The following VPS41 variants were observed in gnomAD, a reference collection of about 807,000 sequenced individuals.
VPS41 encodes the protein VPS41 subunit of HOPS complex, also known as vacuolar protein sorting-associated protein 41 homolog.
Under a neutral mutation model 130.9 loss-of-function variants are expected in VPS41, and 85 were observed. That is an observed-to-expected ratio of 0.65 (90% CI 0.55 to 0.78). VPS41 has a LOEUF of 0.78. Ranked by LOEUF, VPS41 falls within the 30% of genes least tolerant of loss-of-function variation. VPS41 has a pLI of 0.00. For missense variants in VPS41, 874 were observed against 1,018.7 expected (o/e 0.86, Z 1.93); for synonymous variants, 335 against 332.9 (o/e 1.01, Z -0.07).
At chr7:38,740,973 C>T (rs1795868383) in intron 25 of VPS41, among the ~76,000 whole-genome samples, 1 of 152,194 alleles carries the variant, frequency 6.6e-6, no homozygotes, top group South Asian at 2.1e-4. Context: ...CTCTCTGGCA[C>T]AACCTCTTGT....
intron 1 of VPS41, 146 bp downstream of exon 1, chr7:38,909,008 T>G: frequency 2.0e-6 from 2 of 1,004,614 alleles, no homozygotes; most frequent in Non-Finnish European, 3.1e-6. Flanking sequence ...GAAACCAACT[T>G]TCGCCATCCC....
At chr7:38,835,488 T>C (rs1181330627) in intron 4 of VPS41, among the ~76,000 whole-genome samples, 2 of 151,972 alleles carry the variant, frequency 1.3e-5, no homozygotes, top group Non-Finnish European at 2.9e-5. Context: ...TTTCCAAGGA[T>C]GGTGATGTTG....
chr7:38,752,972 A>C (rs1182295082), intron 21 of VPS41, among the ~76,000 whole-genome samples: 3 of 152,206 alleles, frequency 2.0e-5, no homozygotes, highest in Non-Finnish European at 4.4e-5. Flanking sequence ...GTTCTGAAAC[A>C]GTTTTCAAAA....
At chr7:38,834,155 C>A (rs767987677) in intron 4 of VPS41, among the ~76,000 whole-genome samples, 1 of 151,186 alleles carries the variant, frequency 6.6e-6, no homozygotes, top group African/African-American at 2.4e-5. Context: ...ATTCCTCAGT[C>A]TCTTAAAGAA....
chr7:38,909,082 C>T, intron 1 of VPS41, 72 bp downstream of exon 1: 3 of 1,589,926 alleles, frequency 1.9e-6, no homozygotes, highest in Non-Finnish European at 2.6e-6. Flanking sequence ...ACCCACTCCA[C>T]TCCACCCTCC....
intron 22 of VPS41, among the ~76,000 whole-genome samples, chr7:38,746,162 G>C (rs1192352156): frequency 1.3e-5 from 2 of 151,900 alleles, no homozygotes; most frequent in Non-Finnish European, 2.9e-5. Flanking sequence ...TCTGCTCAAG[G>C]ATCTGTCAAA....
intron 2 of VPS41, among the ~76,000 whole-genome samples, chr7:38,890,874 C>G (rs4275134): frequency 6.6e-6 from 1 of 151,942 alleles, no homozygotes; most frequent in East Asian, 1.9e-4. Flanking sequence ...TTTGTAGAGA[C>G]GGGGTCTCAC....
intron 5 of VPS41, among the ~76,000 whole-genome samples, chr7:38,826,458 T>C (rs757307766): frequency 6.6e-6 from 1 of 152,152 alleles, no homozygotes; most frequent in Non-Finnish European, 1.5e-5. Flanking sequence ...AGAAAACTGT[T>C]TGGCAACCAC....
intron 3 of VPS41, 83 bp downstream of exon 3, chr7:38,869,062 AC>A (rs781249820): frequency 7.4e-5 from 79 of 1,063,760 alleles, no homozygotes; most frequent in Non-Finnish European, 1.0e-4. Flanking sequence ...AAAAGCCACC[AC>A]CAAAAACATC....
At chr7:38,789,901 T>A (rs774351328) in intron 9 of VPS41, 34 bp from the exon 10 acceptor site, 1 of 1,609,494 alleles carries the variant, frequency 6.2e-7, no homozygotes, top group South Asian at 1.1e-5. Flanking sequence ...TTTTATTCAT[T>A]TGATGGAAAA....
intron 4 of VPS41, among the ~76,000 whole-genome samples, chr7:38,854,151 A>G (rs1785929753): frequency 6.6e-6 from 1 of 152,224 alleles, no homozygotes; most frequent in African/African-American, 2.4e-5. Flanking sequence ...GTTCAAATAT[A>G]GAAAACAAGT....
chr7:38,743,652 G>A, intron 23 of VPS41, 110 bp from the exon 24 acceptor site: 1 of 1,293,828 alleles, frequency 7.7e-7, no homozygotes, highest in East Asian at 2.5e-5. Context: ...GCTAAGACAA[G>A]GCTATTTTCT....
At chr7:38,885,014 G>A (rs1266549384) in intron 2 of VPS41, among the ~76,000 whole-genome samples, 1 of 152,156 alleles carries the variant, frequency 6.6e-6, no homozygotes, top group Non-Finnish European at 1.5e-5. Flanking sequence ...GAGAAAGGTG[G>A]GATATACTTC....
intron 2 of VPS41, among the ~76,000 whole-genome samples, chr7:38,871,600 T>C (rs2116346746): frequency 6.6e-6 from 1 of 152,308 alleles, no homozygotes; most frequent in South Asian, 2.1e-4. Flanking sequence ...GAAGCTAAAG[T>C]TCAAATTCAG....
At chr7:38,732,021 G>A (rs528904623) in intron 25 of VPS41, among the ~76,000 whole-genome samples, 1 of 152,198 alleles carries the variant, frequency 6.6e-6, no homozygotes, top group Admixed American at 6.5e-5. Context: ...ACATAGATCT[G>A]GTCAACAAGA....
chr7:38,754,552 A>G (rs1047493075), intron 21 of VPS41, 150 bp downstream of exon 21: 2 of 627,030 alleles, frequency 3.2e-6, no homozygotes, highest in East Asian at 5.6e-5. Flanking sequence ...GCATTTTGGT[A>G]ATTACAGAAC....
intron 4 of VPS41, among the ~76,000 whole-genome samples, chr7:38,835,797 C>T (rs899058876): frequency 6.6e-5 from 10 of 151,232 alleles, no homozygotes; most frequent in African/African-American, 1.2e-4. Flanking sequence ...TTCATTTATC[C>T]TTGAATTTCA....
intron 10 of VPS41, among the ~76,000 whole-genome samples, 171 bp downstream of exon 10, chr7:38,789,630 A>G (rs1232484831): frequency 6.6e-6 from 1 of 152,176 alleles, no homozygotes; most frequent in African/African-American, 2.4e-5. Context: ...CTGTATTTTG[A>G]CAGCAGTGGG....
intron 10 of VPS41, among the ~76,000 whole-genome samples, chr7:38,782,642 T>C (rs1246216031): frequency 1.3e-5 from 2 of 152,172 alleles, no homozygotes; most frequent in Non-Finnish European, 2.9e-5. Context: ...CAACCTTACA[T>C]TGCCCAGGGC....
Sources: gnomAD v4.1 joint callset for allele counts (sites outside exome capture counted in the v4.1 genomes callset) on GRCh38, gnomAD v4.1.1 for gene constraint, MANE v1.5 for transcripts, NCBI Gene and HGNC (gene_info 2026-07-23, HGNC 2026-07-21) for gene names.